MEIS1: variants seen among roughly 807,000 people sequenced by gnomAD.
MEIS1 encodes the protein homeobox protein Meis1.
MEIS1 carries 5 observed loss-of-function variants against 50.8 expected under a neutral mutation model. The ratio of observed to expected loss-of-function variants is 0.10; its 90% CI spans 0.05 to 0.21. MEIS1 has a LOEUF of 0.21. Ranked by LOEUF, MEIS1 falls within the 10% of genes least tolerant of loss-of-function variation. The pLI is 1.00. For synonymous variants in MEIS1, 176 were observed against 179.3 expected, an observed-to-expected ratio of 0.98 and a Z score of 0.15; for missense variants, 318 against 517.3, an observed-to-expected ratio of 0.61 and a Z score of 3.74.
At chr2:66,436,030 A>G in intron 1 of MEIS1, among the ~76,000 whole-genome samples, 162 bp downstream of exon 1, 1 of 152,028 alleles carries the variant, frequency 6.6e-6, no homozygotes, top group Non-Finnish European at 1.5e-5. Context: ...GCATTTGTAG[A>G]CTTATGTATG....
chr2:66,474,487 A>G lies in MEIS1; in HGVS notation c.742+10267A>G, dbSNP rs73937926. ...TCTCTTTATCATGGGTGATAGCACTAATTAAGAATAGTAGTAGAGGCTTTG... is the reference window on the plus strand; with the variant it reads ...TCTCTTTATCATGGGTGATAGCACTGATTAAGAATAGTAGTAGAGGCTTTG... On this transcript the variant is annotated intron_variant, in intron 7 of 12. Coordinates refer to ENST00000272369, the MANE Select transcript of MEIS1 (RefSeq NM_002398.3). Among the ~76,000 whole-genome samples, 1,083 of 152,248 alleles carry G rather than the reference A, an allele frequency of 7.1e-3. 15 individuals carry two copies. Among genetic ancestry groups the G allele is most frequent in the African/African-American group, 0.025 (1,045 of 41,556 alleles).
chr2:66,437,282 C>CT lies in MEIS1; in HGVS notation c.13-439dup, dbSNP rs75658376. 608 of 143,268 alleles carry CT rather than the reference C, an allele frequency of 4.2e-3. 2 individuals carry two copies. The highest frequency in any genetic ancestry group is 7.5e-3 in the Middle Eastern group (2 of 266). The allele number at this position is 143,268 out of a possible 1,614,324, so 8.9% of individuals were successfully genotyped here. On this transcript the variant is annotated intron_variant, in intron 1 of 12. Coordinates refer to ENST00000272369, the MANE Select transcript of MEIS1 (RefSeq NM_002398.3). ...CTTTGCGTAGCTGTTCCCATCGTAA[C>CT]TTTTTTTTTTTTTTTTAATTCCCCC...
chr2:66,522,112 C>T (rs1044383323), intron 8 of MEIS1, among the ~76,000 whole-genome samples: 8 of 152,142 alleles, frequency 5.3e-5, no homozygotes, highest in Non-Finnish European at 1.0e-4. Flanking sequence ...ATGATCTTTC[C>T]GTTGGAGAAA....
At chr2:66,494,137 C>T (rs1313640639) in intron 7 of MEIS1, among the ~76,000 whole-genome samples, 1 of 152,192 alleles carries the variant, frequency 6.6e-6, no homozygotes, top group Non-Finnish European at 1.5e-5. Flanking sequence ...GTGGCATGAT[C>T]TCAAAGTTGT....
intron 7 of MEIS1, among the ~76,000 whole-genome samples, chr2:66,478,043 T>A (rs1672935313): frequency 6.6e-5 from 10 of 152,222 alleles, no homozygotes; most frequent in Admixed American, 6.5e-4. Flanking sequence ...TGTGTCTACA[T>A]TGAAAGCTGT....
At chr2:66,505,524 C>T (rs970431934) in intron 7 of MEIS1, among the ~76,000 whole-genome samples, 2 of 152,070 alleles carry the variant, frequency 1.3e-5, no homozygotes, top group Non-Finnish European at 2.9e-5. Flanking sequence ...ATATATTTAG[C>T]ATCAGATATT....
intron 7 of MEIS1, among the ~76,000 whole-genome samples, chr2:66,483,592 T>A (rs1300529320): frequency 2.6e-5 from 4 of 152,196 alleles, no homozygotes; most frequent in African/African-American, 9.7e-5. Flanking sequence ...GGTCTGCTAC[T>A]TTTACCTGAG....
intron 6 of MEIS1, 82 bp from the exon 7 acceptor site, chr2:66,464,027 G>A: frequency 1.0e-6 from 1 of 995,648 alleles, no homozygotes; most frequent in Non-Finnish European, 1.6e-6. Context: ...GCCCTCCATG[G>A]CTTTGTCATT....
chr2:66,515,716 G>A (rs1272572361), intron 8 of MEIS1, among the ~76,000 whole-genome samples: 1 of 152,176 alleles, frequency 6.6e-6, no homozygotes, highest in Non-Finnish European at 1.5e-5. Flanking sequence ...TCGATAAGTA[G>A]AGAGGGTCTC....
At chr2:66,507,126 C>T (rs1490766534) in intron 7 of MEIS1, among the ~76,000 whole-genome samples, 1 of 152,132 alleles carries the variant, frequency 6.6e-6, no homozygotes, top group African/African-American at 2.4e-5. Context: ...AAAATGTAGC[C>T]ATCTTACAAC....
intron 8 of MEIS1, among the ~76,000 whole-genome samples, chr2:66,517,579 T>A (rs1028599513): frequency 3.3e-5 from 5 of 152,218 alleles, no homozygotes; most frequent in African/African-American, 9.6e-5. Flanking sequence ...CAGGCTTGGA[T>A]GACAAAATCC....
chr2:66,569,183 A>C, intron 12 of MEIS1, 38 bp downstream of exon 12: 1 of 1,549,480 alleles, frequency 6.5e-7, no homozygotes, highest in Non-Finnish European at 8.8e-7. Flanking sequence ...ACTTTGTCCT[A>C]GGAATATTTT....
intron 6 of MEIS1, among the ~76,000 whole-genome samples, chr2:66,451,622 G>T (rs1322497780): frequency 6.6e-6 from 1 of 152,026 alleles, no homozygotes; most frequent in Non-Finnish European, 1.5e-5. Context: ...TGATAGACAA[G>T]ATATAATTAA....
rs1671826071 is a variant in MEIS1, at chr2:66,437,522, C to T, written c.13-215C>T. ...ATAGGGACACAAGTTAGGGCAAGAT[C>T]ATTCATCCCAGACGAGTCTCGCTGA... On this transcript the variant is annotated intron_variant, in intron 1 of 12. Transcript: ENST00000272369. 5.2e-6 allele frequency: 3 copies of T among 581,952 alleles called. No individual in the cohort carries two copies. In the South Asian group the frequency reaches 6.6e-5, roughly 13 times the overall value. 36.0% of individuals were successfully genotyped at this position (581,952 alleles called of 1,614,324 possible).
At chr2:66,538,980 C>T (rs1382726038) in intron 8 of MEIS1, among the ~76,000 whole-genome samples, 1 of 152,112 alleles carries the variant, frequency 6.6e-6, no homozygotes, top group Admixed American at 6.6e-5. Flanking sequence ...CTCCGCCTCC[C>T]GGGTTCAAGC....
At chr2:66,552,997 A>T (rs1237305956) in intron 9 of MEIS1, among the ~76,000 whole-genome samples, 1 of 152,220 alleles carries the variant, frequency 6.6e-6, no homozygotes, top group Non-Finnish European at 1.5e-5. Flanking sequence ...TTTTGTCAAT[A>T]AAGTTAAACA....
rs567823149 is a variant in MEIS1 at position 66,448,009 on chromosome 2, C to T, written c.630+4961C>T. Among the ~76,000 whole-genome samples the T allele has an allele frequency of 1.6e-4, 25 of 152,240 alleles. No homozygotes were observed. In the South Asian group the frequency reaches 4.6e-3, roughly 28 times the overall value. On this transcript the variant is annotated intron_variant, in intron 6 of 12. Coordinates refer to ENST00000272369, the MANE Select transcript of MEIS1 (RefSeq NM_002398.3). ...GGTCATTCAAATAGCAATTCTTCCC[C>T]CACCAGAATGACTCCATTGCTCACC...
chr2:66,497,234 A>G lies in MEIS1; in HGVS notation c.743-14915A>G, dbSNP rs549843137. ...AAAGGGTAGTGGTAGAATGGTTAGG[A>G]GTTTAGCCTCAAGTCAGATCTGGGT... On this transcript the variant is annotated intron_variant, in intron 7 of 12. Transcript: ENST00000272369. Among the ~76,000 whole-genome samples the G allele has an allele frequency of 2.6e-5, 4 of 152,322 alleles. No homozygotes were observed. The East Asian group carries it at 7.7e-4, about 29-fold the overall frequency.
At chr2:66,556,753 G>A (rs980318398) in intron 9 of MEIS1, among the ~76,000 whole-genome samples, 2 of 152,068 alleles carry the variant, frequency 1.3e-5, no homozygotes, top group East Asian at 1.9e-4. Context: ...GGAAAGGGCC[G>A]GGGAGTGGGT....
Sources: gnomAD v4.1 joint callset for allele counts (sites outside exome capture counted in the v4.1 genomes callset) on GRCh38, gnomAD v4.1.1 for gene constraint, MANE v1.5 for transcripts, NCBI Gene and HGNC (gene_info 2026-07-23, HGNC 2026-07-21) for gene names.